The following SPRY3 variants were observed in gnomAD, a reference collection of about 807,000 sequenced individuals.
The protein encoded by SPRY3 is sprouty RTK signaling antagonist 3.
In SPRY3, 15 loss-of-function variants were observed where a neutral mutation model predicts 20.2. The observed-to-expected ratio is 0.74, with a 90% CI of 0.50 to 1.14. The LOEUF (loss-of-function observed/expected upper bound fraction) is 1.14. SPRY3 is among the 50% of genes most tolerant of loss of function. The probability of loss-of-function intolerance (pLI) is 0.00; values close to 1 mark genes in which losing one functional copy is unlikely to be tolerated. For synonymous variants in SPRY3, 143 were observed against 136.5 expected, an observed-to-expected ratio of 1.05 and a Z score of -0.33; for missense variants, 364 against 363.9, an observed-to-expected ratio of 1.00 and a Z score of 0.00.
intron 1 of SPRY3, among the ~76,000 whole-genome samples, chrX:155,643,552 CCTTT>C (rs1301467332): frequency 9.0e-6 from 1 of 111,102 alleles, no homozygotes; most frequent in Admixed American, 9.6e-5. Flanking sequence ...TAACTTCCTT[CCTTT>C]CTTTCTTTTA....
exon 4 of SPRY3, chrX:155,773,884 G>A: frequency 6.2e-7 from 1 of 1,613,606 alleles, no homozygotes. Context: ...GGATGCTGCG[G>A]TGACAGATGA....
At chrX:155,654,056 C>T (rs782444443) in intron 1 of SPRY3, among the ~76,000 whole-genome samples, 2 of 112,148 alleles carry the variant, frequency 1.8e-5, no homozygotes, top group African/African-American at 6.5e-5. Context: ...AGCTTGTCAC[C>T]TATACTTCTG....
chrX:155,678,194 CT>C (rs1022143227), intron 2 of SPRY3, among the ~76,000 whole-genome samples: 3 of 111,406 alleles, frequency 2.7e-5, no homozygotes, highest in Non-Finnish European at 5.7e-5. Context: ...ACTGAATGGG[CT>C]TGTTGTCAAA....
At chrX:155,743,855 A>G (rs2091214231) in intron 2 of SPRY3, among the ~76,000 whole-genome samples, 1 of 152,192 alleles carries the variant, frequency 6.6e-6, no homozygotes, top group South Asian at 2.1e-4. Context: ...ACATGAATGA[A>G]CCTTGAAAAC....
At chrX:155,763,318 G>GT (rs1373332114) in intron 2 of SPRY3, among the ~76,000 whole-genome samples, 3 of 151,874 alleles carry the variant, frequency 2.0e-5, no homozygotes, top group Non-Finnish European at 2.9e-5. Flanking sequence ...GTATGCAATG[G>GT]TATCATATTC....
chrX:155,710,192 T>G (rs1195759221), intron 2 of SPRY3, among the ~76,000 whole-genome samples: 2 of 151,962 alleles, frequency 1.3e-5, no homozygotes, highest in African/African-American at 4.8e-5. Flanking sequence ...TTTTTATTTC[T>G]GTGAAGAATA....
chrX:155,734,834 T>C (rs1214135570), intron 2 of SPRY3, among the ~76,000 whole-genome samples: 6 of 152,034 alleles, frequency 3.9e-5, no homozygotes, highest in African/African-American at 1.4e-4. Flanking sequence ...TCTCTCTTAA[T>C]TTCTTGTTTT....
chrX:155,615,356 C>A (rs1442949179), intron 1 of SPRY3, among the ~76,000 whole-genome samples: 1 of 112,110 alleles, frequency 8.9e-6, no homozygotes, highest in African/African-American at 3.2e-5. Flanking sequence ...GTTTTATCAG[C>A]CTCTCAGTGA....
intron 2 of SPRY3, among the ~76,000 whole-genome samples, chrX:155,675,561 C>T (rs1219366337): frequency 9.0e-6 from 1 of 111,213 alleles, no homozygotes; most frequent in Admixed American, 9.6e-5. Flanking sequence ...GATGGTGGTT[C>T]CCCAGCTGGA....
chrX:155,649,302 C>T, intron 1 of SPRY3, among the ~76,000 whole-genome samples: 1 of 111,446 alleles, frequency 9.0e-6, no homozygotes, highest in Non-Finnish European at 1.9e-5. Flanking sequence ...CAAAACTTGG[C>T]AGAGACACAA....
chrX:155,779,437 T>C (rs1325015054), downstream of SPRY3: 1 of 167,050 alleles, frequency 6.0e-6, no homozygotes, highest in African/African-American at 2.4e-5. Context: ...TTTGCCTTCC[T>C]GAACCTATTT....
Position 155,638,368 on chromosome X carries a change from A to G in SPRY3, c.-440-18499A>G, listed in dbSNP as rs1165949867. ...TATATATATATATATATATATATAT[A>G]TGTAAAGTTTTAAAAAAGAGGAAAG... is the stretch of plus-strand genomic sequence containing the variant. On this transcript the variant is annotated intron_variant, in intron 1 of 3. Coordinates refer to ENST00000675360, the Ensembl canonical transcript of SPRY3. Among the ~76,000 whole-genome samples, 13 of 51,615 alleles carry G rather than the reference A, an allele frequency of 2.5e-4. 1 individual carries two copies. The highest frequency in any genetic ancestry group is 4.1e-4 in the Non-Finnish European group (12 of 29,554). 44.8% of individuals were successfully genotyped at this position (51,615 alleles called of 115,157 possible).
chrX:155,768,134 A>G (rs1222187861), exon 3 of SPRY3: 1 of 151,990 alleles, frequency 6.6e-6, no homozygotes, highest in Non-Finnish European at 1.5e-5. Flanking sequence ...CCATTTCCTC[A>G]AGGTAAGCCA....
intron 2 of SPRY3, among the ~76,000 whole-genome samples, chrX:155,759,752 T>G (rs2091297040): frequency 6.6e-6 from 1 of 152,170 alleles, no homozygotes; most frequent in South Asian, 2.1e-4. Context: ...GTTTACCAGG[T>G]GAATTTATTT....
intron 2 of SPRY3, among the ~76,000 whole-genome samples, chrX:155,725,060 GCAT>G (rs970180169): frequency 6.6e-5 from 10 of 152,140 alleles, no homozygotes; most frequent in South Asian, 2.1e-4. Flanking sequence ...GGACTTTTCT[GCAT>G]CTATTGAGAT....
intron 1 of SPRY3, among the ~76,000 whole-genome samples, chrX:155,650,549 G>T (rs1422042514): frequency 3.6e-5 from 4 of 112,007 alleles, no homozygotes; most frequent in African/African-American, 1.3e-4. Context: ...TACGTGTTCT[G>T]CAGTAATTGG....
At chrX:155,707,846 A>G (rs2090961884) in intron 2 of SPRY3, among the ~76,000 whole-genome samples, 1 of 150,928 alleles carries the variant, frequency 6.6e-6, no homozygotes, top group Admixed American at 6.6e-5. Flanking sequence ...ATATAGTTGG[A>G]TTTTGCTTTT....
At chrX:155,616,283 A>G (rs1447897105) in intron 1 of SPRY3, among the ~76,000 whole-genome samples, 1 of 109,627 alleles carries the variant, frequency 9.1e-6, no homozygotes, top group Non-Finnish European at 1.9e-5. Context: ...AGATTTTCAT[A>G]TTACAGATTC....
intron 2 of SPRY3, among the ~76,000 whole-genome samples, chrX:155,684,636 T>G (rs748900525): frequency 8.9e-6 from 1 of 111,985 alleles, no homozygotes; most frequent in African/African-American, 3.2e-5. Flanking sequence ...TTGCTTTCAA[T>G]CATCAAACGT....
Sources: allele counts gnomAD v4.1 joint callset (sites outside exome capture counted in the v4.1 genomes callset), GRCh38; gene constraint gnomAD v4.1.1; transcripts MANE v1.5; gene names NCBI Gene and HGNC (gene_info 2026-07-23, HGNC 2026-07-21).